Variants in PDE4B observed in about 807,000 individuals in gnomAD.
PDE4B encodes 3',5'-cyclic-AMP phosphodiesterase 4B.
PDE4B carries 20 observed loss-of-function variants against 82.2 expected under a neutral mutation model. That is an observed-to-expected ratio of 0.24 (90% CI 0.17 to 0.35). The LOEUF is 0.35. Among genes scored for constraint, PDE4B ranks in the 10% least tolerant of loss-of-function variants. The pLI, the probability that PDE4B is intolerant of heterozygous loss-of-function variation, is 1.00. For synonymous variants in PDE4B, 320 were observed against 318.9 expected, an observed-to-expected ratio of 1.00 and a Z score of -0.04; for missense variants, 655 against 907.2, an observed-to-expected ratio of 0.72 and a Z score of 3.57.
intron 3 of PDE4B, among the ~76,000 whole-genome samples, chr1:65,957,333 G>A (rs971954213): frequency 2.0e-5 from 3 of 151,748 alleles, no homozygotes; most frequent in Admixed American, 6.6e-5. Context: ...GCCACCATTC[G>A]TTGACTGATC....
chr1:65,957,111 A>T (rs1019357679), intron 3 of PDE4B, among the ~76,000 whole-genome samples: 1 of 144,112 alleles, frequency 6.9e-6, no homozygotes, highest in African/African-American at 2.6e-5. Flanking sequence ...GCATTTTTAC[A>T]TTTATGTAAA....
chr1:66,201,507 T>A (rs1277309595), intron 3 of PDE4B, among the ~76,000 whole-genome samples: 2 of 152,086 alleles, frequency 1.3e-5, no homozygotes, highest in African/African-American at 4.8e-5. Context: ...GCTATTTTTA[T>A]TGCCACAATT....
At chr1:66,309,539 A>G (rs563586018) in intron 7 of PDE4B, among the ~76,000 whole-genome samples, 1 of 152,220 alleles carries the variant, frequency 6.6e-6, no homozygotes, top group African/African-American at 2.4e-5. Context: ...TTGCAGGTCA[A>G]TGTGAAGGGG....
At position 66,337,621 on chromosome 1, in the gene PDE4B, T is replaced by C. The variant is rs76580356; in HGVS notation, c.747+5001T>C. Among the ~76,000 whole-genome samples, 417 of 152,282 alleles carry C rather than the reference T, an allele frequency of 2.7e-3. 16 individuals carry two copies. The East Asian group carries it at 0.068, about 25-fold the overall frequency. The stretch of plus-strand genomic sequence containing the variant: ...ACCCATATCCAAGGAGTTCAAGAAT[T>C]CTAAATTCAACCTGACCTTCCAGGC... On this transcript the variant is annotated intron_variant, in intron 8 of 16. Coordinates refer to ENST00000341517, the MANE Select transcript of PDE4B (RefSeq NM_002600.4).
chr1:65,894,067 G>A (rs201431560), intron 1 of PDE4B, among the ~76,000 whole-genome samples: 8 of 151,840 alleles, frequency 5.3e-5, no homozygotes, highest in Middle Eastern at 6.8e-3. Flanking sequence ...GGTGATGGGC[G>A]CACTAAAATC....
At chr1:66,207,908 G>A (rs1321766336) in intron 3 of PDE4B, among the ~76,000 whole-genome samples, 2 of 152,142 alleles carry the variant, frequency 1.3e-5, no homozygotes, top group African/African-American at 2.4e-5. Flanking sequence ...TTTGATCTCA[G>A]GCTTGTTTAT....
At chr1:65,821,783 G>GCA (rs1645955735) in intron 1 of PDE4B, among the ~76,000 whole-genome samples, 1 of 152,166 alleles carries the variant, frequency 6.6e-6, no homozygotes. Context: ...AGAATCAACT[G>GCA]TAGAGTCTTT....
chr1:65,958,442 T>C (rs1649367170), intron 3 of PDE4B, among the ~76,000 whole-genome samples: 2 of 152,056 alleles, frequency 1.3e-5, no homozygotes, highest in East Asian at 1.9e-4. Context: ...TTTCCCACAT[T>C]GTGGTATTTT....
At chr1:66,149,282 A>G (rs998133117) in intron 3 of PDE4B, among the ~76,000 whole-genome samples, 7 of 152,148 alleles carry the variant, frequency 4.6e-5, no homozygotes, top group African/African-American at 9.7e-5. Context: ...TTTGAGAAAC[A>G]TCTATCTAAA....
intron 3 of PDE4B, among the ~76,000 whole-genome samples, chr1:66,061,429 G>A (rs762631572): frequency 1.3e-4 from 20 of 151,720 alleles, no homozygotes; most frequent in Non-Finnish European, 2.6e-4. Flanking sequence ...AAGACTTCTC[G>A]GTTTCATGAA....
At chr1:66,332,678 C>G in intron 8 of PDE4B, 58 bp downstream of exon 8, 1 of 1,399,400 alleles carries the variant, frequency 7.1e-7, no homozygotes, top group Non-Finnish European at 1.0e-6. Context: ...TCCAGCTCCC[C>G]TCACCCCTGT....
intron 1 of PDE4B, among the ~76,000 whole-genome samples, chr1:65,887,242 CTTT>C (rs1557798987): frequency 6.8e-4 from 14 of 20,728 alleles, no homozygotes; most frequent in African/African-American, 2.1e-3. Flanking sequence ...TTCTTTCTTT[CTTT>C]CTTTTCTTTC....
At chr1:66,315,233 C>A (rs1658947473) in intron 7 of PDE4B, among the ~76,000 whole-genome samples, 1 of 152,092 alleles carries the variant, frequency 6.6e-6, no homozygotes, top group Admixed American at 6.6e-5. Context: ...ATATCCATCC[C>A]CTTAGGGTCT....
intron 8 of PDE4B, among the ~76,000 whole-genome samples, chr1:66,339,839 T>A (rs1400899374): frequency 9.3e-6 from 1 of 107,118 alleles, no homozygotes; most frequent in Non-Finnish European, 1.7e-5. Context: ...TTTTTGTTTG[T>A]TTTTTTTGTT....
At position 66,372,917 on chromosome 1, in the gene PDE4B, C is replaced by G; in HGVS notation, c.*239C>G. On this transcript the variant is annotated 3_prime_UTR_variant, in exon 17 of 17. Transcript: ENST00000341517. Reference sequence around the variant, plus strand: ...GAGGGCTGAAGCTGTTGCTGGGGGCCGATTCTGATCAAGACACATGGCTTG... The same window carrying G: ...GAGGGCTGAAGCTGTTGCTGGGGGCGGATTCTGATCAAGACACATGGCTTG... The G allele has an allele frequency of 2.1e-6, 1 of 476,062 alleles. No individual in the cohort carries two copies. Among genetic ancestry groups the G allele is most frequent in the South Asian group, 3.3e-5 (1 of 30,256 alleles). 29.5% of individuals were successfully genotyped at this position (476,062 alleles called of 1,614,324 possible).
chr1:66,036,445 A>C (rs1181797486), intron 3 of PDE4B, among the ~76,000 whole-genome samples: 1 of 152,146 alleles, frequency 6.6e-6, no homozygotes, highest in Non-Finnish European at 1.5e-5. Context: ...GTAGTTTTAC[A>C]GTTTCCAGTC....
intron 7 of PDE4B, among the ~76,000 whole-genome samples, chr1:66,308,645 G>A (rs1303326332): frequency 6.6e-6 from 1 of 152,060 alleles, no homozygotes; most frequent in African/African-American, 2.4e-5. Flanking sequence ...CTCCACATTT[G>A]TACTTATGAG....
At chr1:66,211,588 G>C (rs1321732946) in intron 3 of PDE4B, among the ~76,000 whole-genome samples, 1 of 152,176 alleles carries the variant, frequency 6.6e-6, no homozygotes, top group Non-Finnish European at 1.5e-5. Context: ...ACTCTGCTAA[G>C]TTCTATGCAT....
chr1:66,166,331 G>T (rs79628812), intron 3 of PDE4B, among the ~76,000 whole-genome samples: 1 of 152,312 alleles, frequency 6.6e-6, no homozygotes, highest in African/African-American at 2.4e-5. Flanking sequence ...CCTAGGGTTA[G>T]TCAATGGTTT....
Sources: allele counts gnomAD v4.1 joint callset (sites outside exome capture counted in the v4.1 genomes callset), GRCh38; gene constraint gnomAD v4.1.1; transcripts MANE v1.5; gene names NCBI Gene and HGNC (gene_info 2026-07-23, HGNC 2026-07-21).